ARHGAP24: variants seen among roughly 807,000 people sequenced by gnomAD.
The protein encoded by ARHGAP24 is Rho GTPase activating protein 24, also known as rho GTPase-activating protein 24.
In ARHGAP24, 50 loss-of-function variants were observed where a neutral mutation model predicts 76.4. The ratio of observed to expected loss-of-function variants is 0.65; its 90% CI spans 0.52 to 0.83. The LOEUF (loss-of-function observed/expected upper bound fraction) is 0.83, where lower values mean the gene tolerates loss of function less well. ARHGAP24 is among the 40% of genes least tolerant of loss of function. ARHGAP24 has a pLI of 0.00. For synonymous variants in ARHGAP24, 345 were observed against 323.3 expected, an observed-to-expected ratio of 1.07 and a Z score of -0.72; for missense variants, 930 against 914.2, an observed-to-expected ratio of 1.02 and a Z score of -0.22.
At chr4:85,667,736 G>C (rs554531395) in intron 2 of ARHGAP24, among the ~76,000 whole-genome samples, 26 of 152,104 alleles carry the variant, frequency 1.7e-4, no homozygotes, top group Admixed American at 4.6e-4. Context: ...GTGTTTTTCT[G>C]TATCCAGTAT....
intron 3 of ARHGAP24, among the ~76,000 whole-genome samples, chr4:85,917,577 G>T (rs992222601): frequency 1.3e-5 from 2 of 151,988 alleles, no homozygotes; most frequent in Non-Finnish European, 2.9e-5. Flanking sequence ...AACATCTGTT[G>T]TTTCCTGACT....
intron 9 of ARHGAP24, among the ~76,000 whole-genome samples, chr4:85,996,388 GC>G (rs1740659205): frequency 6.6e-6 from 1 of 152,184 alleles, no homozygotes; most frequent in Admixed American, 6.5e-5. Flanking sequence ...ATATCAATGT[GC>G]ATCTTCTCAT....
chr4:85,960,310 G>A (rs1738167308), intron 5 of ARHGAP24, among the ~76,000 whole-genome samples: 1 of 152,098 alleles, frequency 6.6e-6, no homozygotes, highest in Middle Eastern at 3.2e-3. Flanking sequence ...TTAAGGAAAT[G>A]GTTACAGAGT....
At chr4:85,507,249 T>C (rs1399506550) in intron 1 of ARHGAP24, among the ~76,000 whole-genome samples, 1 of 152,048 alleles carries the variant, frequency 6.6e-6, no homozygotes, top group Non-Finnish European at 1.5e-5. Context: ...AGAGACAGGG[T>C]CTTACTCTGT....
At chr4:85,644,831 T>C (rs531462802) in intron 2 of ARHGAP24, among the ~76,000 whole-genome samples, 1 of 152,208 alleles carries the variant, frequency 6.6e-6, no homozygotes, top group South Asian at 2.1e-4. Context: ...ATATGACAAT[T>C]ATATATAGAT....
intron 3 of ARHGAP24, among the ~76,000 whole-genome samples, chr4:85,751,236 A>T (rs1726250950): frequency 6.6e-6 from 1 of 152,202 alleles, no homozygotes; most frequent in Non-Finnish European, 1.5e-5. Context: ...GCAAATATAA[A>T]TTTACTTATT....
chr4:85,967,965 G>A (rs544004840), intron 5 of ARHGAP24, among the ~76,000 whole-genome samples: 1 of 152,230 alleles, frequency 6.6e-6, no homozygotes, highest in South Asian at 2.1e-4. Context: ...ACAGAAGCGA[G>A]GTACAGAGAC....
chr4:85,869,923 C>A (rs2018383), intron 3 of ARHGAP24, among the ~76,000 whole-genome samples: 146,229 of 152,234 alleles, frequency 0.96, 70,563 homozygotes, highest in East Asian at 1. Flanking sequence ...TCCACACTGC[C>A]TCAATTTGAA....
chr4:85,670,825 A>G (rs1299326608), intron 2 of ARHGAP24, among the ~76,000 whole-genome samples: 1 of 152,176 alleles, frequency 6.6e-6, no homozygotes, highest in Non-Finnish European at 1.5e-5. Flanking sequence ...TGGGTTTCCC[A>G]TGTTTAGAAT....
chr4:85,486,539 A>G lies in ARHGAP24; in HGVS notation c.-21+10980A>G, dbSNP rs191415925. 2.0e-4 allele frequency among the ~76,000 whole-genome samples: 30 copies of G among 152,350 alleles called. No individual in the cohort carries two copies. In the East Asian group the frequency reaches 5.8e-3, roughly 29 times the overall value. On this transcript the variant is annotated intron_variant, in intron 1 of 9. Coordinates refer to ENST00000395184, the MANE Select transcript of ARHGAP24 (RefSeq NM_001025616.3). ...TGTTTCAGTAAAACAAATGCAAACA[A>G]TATCTAAGATGACAACTGGTGTTTA...
chr4:85,837,374 T>G lies in ARHGAP24; in HGVS notation c.269-86274T>G, dbSNP rs138166003. 1.8e-3 allele frequency among the ~76,000 whole-genome samples: 273 copies of G among 152,270 alleles called. 2 individuals are homozygous for G. The highest frequency in any genetic ancestry group is 6.3e-3 in the African/African-American group (262 of 41,560). On this transcript the variant is annotated intron_variant, in intron 3 of 9. Transcript: ENST00000395184. ...AAAGGTACTTGAATTTCTAACATCA[T>G]TCTTTAAGTGATTGAAAATGTCGTG...
intron 3 of ARHGAP24, among the ~76,000 whole-genome samples, chr4:85,730,244 G>C (rs548785762): frequency 2.6e-5 from 4 of 152,146 alleles, no homozygotes; most frequent in Non-Finnish European, 5.9e-5. Context: ...CCATTAATAG[G>C]AGATGGGATG....
rs62315597 is a variant in ARHGAP24, at chr4:85,513,008, C to T, written c.-21+37449C>T. Among the ~76,000 whole-genome samples the T allele has an allele frequency of 1.6e-4, 25 of 152,310 alleles. No homozygotes were observed. In the South Asian group the frequency reaches 4.6e-3, roughly 28 times the overall value. ...TGTGCTTGGCCATGGGAGTTATGTC[C>T]TCTCCCTTAGATTAATTGGCATTCT... On this transcript the variant is annotated intron_variant, in intron 1 of 9. Coordinates refer to ENST00000395184, the MANE Select transcript of ARHGAP24 (RefSeq NM_001025616.3).
chr4:85,627,831 G>C (rs1468520552), intron 2 of ARHGAP24, among the ~76,000 whole-genome samples: 3 of 152,192 alleles, frequency 2.0e-5, no homozygotes, highest in Non-Finnish European at 4.4e-5. Context: ...TTGGACTGCT[G>C]TGCTAGCAAT....
intron 5 of ARHGAP24, among the ~76,000 whole-genome samples, chr4:85,951,301 A>G (rs1737602509): frequency 6.6e-6 from 1 of 152,006 alleles, no homozygotes; most frequent in Non-Finnish European, 1.5e-5. Flanking sequence ...GAGGATGGTG[A>G]GGTTATTTTC....
At position 85,690,843 on chromosome 4, in the gene ARHGAP24, C is replaced by G. The variant is rs575127285; in HGVS notation, c.181-31042C>G. The stretch of plus-strand genomic sequence containing the variant: ...TTTTGCATCTCAATTTTGCTCAGTT[C>G]TTCTCTAATTTTAGTTATTTCTTTT... On this transcript the variant is annotated intron_variant, in intron 2 of 9. Transcript: ENST00000395184. 4.1e-5 allele frequency among the ~76,000 whole-genome samples: 6 copies of G among 147,356 alleles called. No individual in the cohort carries two copies. In the South Asian group the frequency reaches 1.3e-3, roughly 32 times the overall value.
intron 3 of ARHGAP24, among the ~76,000 whole-genome samples, chr4:85,840,623 G>C (rs903547823): frequency 6.6e-6 from 1 of 152,154 alleles, no homozygotes; most frequent in African/African-American, 2.4e-5. Flanking sequence ...CTTTGGTTCT[G>C]TATTTTAAAG....
At position 85,973,840 on chromosome 4, in the gene ARHGAP24, T is replaced by TG. The variant is rs1739144647; in HGVS notation, c.733-1048_733-1047insG. 4.5e-5 allele frequency among the ~76,000 whole-genome samples: 3 copies of TG among 67,298 alleles called. 1 individual carries two copies. The highest frequency in any genetic ancestry group is 9.1e-5 in the Non-Finnish European group (3 of 32,924). The allele number at this position is 67,298 out of a possible 152,430, so 44.2% of individuals were successfully genotyped here. A position where few individuals can be genotyped will look rare whatever the true frequency, so the allele number is the denominator to read the frequency against. On this transcript the variant is annotated intron_variant, in intron 6 of 9. Coordinates refer to ENST00000395184, the MANE Select transcript of ARHGAP24 (RefSeq NM_001025616.3). ...CAAAAACTGCTGCCTATTGTTTTTT[T>TG]TTTTTTTTTTTTTTTTTTTTGAGAC... is the stretch of plus-strand genomic sequence containing the variant.
At chr4:85,885,078 A>G (rs1733482629) in intron 3 of ARHGAP24, among the ~76,000 whole-genome samples, 1 of 152,180 alleles carries the variant, frequency 6.6e-6, no homozygotes, top group Non-Finnish European at 1.5e-5. Flanking sequence ...TATTGAAGGC[A>G]TACATCCTTT....
Sources: allele counts gnomAD v4.1 joint callset (sites outside exome capture counted in the v4.1 genomes callset), GRCh38; gene constraint gnomAD v4.1.1; transcripts MANE v1.5; gene names NCBI Gene and HGNC (gene_info 2026-07-23, HGNC 2026-07-21).